ABCA9: variants seen among roughly 807,000 people sequenced by gnomAD.
ABCA9 encodes the protein ATP binding cassette subfamily A member 9, also known as ATP-binding cassette sub-family A member 9.
ABCA9 carries 183 observed loss-of-function variants against 205.3 expected under a neutral mutation model. The observed-to-expected ratio is 0.89, with a 90% CI of 0.79 to 1.01. ABCA9 has a LOEUF of 1.01. ABCA9 is among the 50% of genes least tolerant of loss of function. The pLI is 0.00. For missense variants in ABCA9, 1,805 were observed against 1,912.4 expected (o/e 0.94, Z 1.05); for synonymous variants, 651 against 683.3 (o/e 0.95, Z 0.74).
chr17:69,016,102 GTATATA>G (rs369501172), intron 22 of ABCA9, 145 bp downstream of exon 22: 547 of 263,062 alleles, frequency 2.1e-3, no homozygotes, highest in African/African-American at 4.2e-3. Context: ...ATGTGTGTGT[GTATATA>G]TATATATATA....
chr17:69,071,447 A>G, the ABCA9 span, among the ~76,000 whole-genome samples: 1 of 152,194 alleles, frequency 6.6e-6, no homozygotes, highest in African/African-American at 2.4e-5. Flanking sequence ...GACCCAGGCA[A>G]ACAGGGTCTG....
chr17:69,024,457 CA>C lies in ABCA9; in HGVS notation c.2142-105del, dbSNP rs565036102. 1.6e-3 allele frequency: 1,775 copies of C among 1,130,126 alleles called. 1 individual carries two copies. The highest frequency in any genetic ancestry group is 1.9e-3 in the Non-Finnish European group (1,552 of 825,258). The allele number at this position is 1,130,126 out of a possible 1,614,324, so 70.0% of individuals were successfully genotyped here. The stretch of plus-strand genomic sequence containing the variant: ...TGTCACTTTATTAATATTTATGAGA[CA>C]AAAAAATGTGTAGTTTACTGGACAA... On this transcript the variant is annotated intron_variant, in intron 16 of 38. Transcript: ENST00000340001.
intron 23 of ABCA9, among the ~76,000 whole-genome samples, chr17:69,009,232 A>AT (rs1456121109): frequency 6.6e-6 from 1 of 152,148 alleles, no homozygotes; most frequent in Non-Finnish European, 1.5e-5. Flanking sequence ...GTTAAGAAGA[A>AT]TTCAGGGTTG....
chr17:68,988,769 G>T (rs1233394928), intron 31 of ABCA9, among the ~76,000 whole-genome samples: 1 of 152,064 alleles, frequency 6.6e-6, no homozygotes, highest in Non-Finnish European at 1.5e-5. Flanking sequence ...ATAAAGCAAA[G>T]ATATCTGACT....
Position 69,024,295 on chromosome 17 carries a change from T to C in ABCA9, c.2200A>G (p.Ile734Val), listed in dbSNP as rs780646102. Residue 734 changes from isoleucine (I) to valine (V), a missense_variant, in exon 17 of 39, where the codon ATC becomes GTC. Ile to Val is a conservative substitution (Grantham distance 29). Coordinates refer to ENST00000340001, the MANE Select transcript of ABCA9 (RefSeq NM_080283.4). ...ESITSLVKQHISDAKLTAQSE... is the reference protein window; with the variant it reads ...ESITSLVKQHVSDAKLTAQSE... ...TGTGCTGTCAATTTGGCATCAGAGA[T>C]GTGCTGCTTAACCAGTGATGTTATA... 1 of 1,613,208 alleles carries C rather than the reference T, an allele frequency of 6.2e-7. No homozygotes were observed. The highest frequency in any genetic ancestry group is 8.5e-7 in the Non-Finnish European group (1 of 1,179,460).
intron 9 of ABCA9, chr17:69,033,466 C>T (rs1035035235): frequency 1.2e-5 from 3 of 242,404 alleles, no homozygotes; most frequent in Non-Finnish European, 2.4e-5. Flanking sequence ...CATTCTTCAT[C>T]TAGTTCTGAC....
At chr17:68,986,651 G>C (rs779378696) in intron 31 of ABCA9, 1 of 207,302 alleles carries the variant, frequency 4.8e-6, no homozygotes, top group Non-Finnish European at 9.5e-6. Context: ...TGAGAATTCT[G>C]TTTCGCCAGT....
intron 1 of ABCA9, among the ~76,000 whole-genome samples, chr17:69,055,683 C>A (rs1344649769): frequency 1.3e-5 from 2 of 152,080 alleles, no homozygotes; most frequent in Non-Finnish European, 2.9e-5. Flanking sequence ...CATTTCTACA[C>A]ACGATTTCAC....
In ABCA9 at chr17:69,060,909, A is replaced by G. The variant is rs2072225529; in HGVS notation, c.-57T>C. 2 of 985,326 alleles carry G rather than the reference A, an allele frequency of 2.0e-6. No individual in the cohort carries two copies. Among genetic ancestry groups the G allele is most frequent in the African/African-American group, 3.5e-5 (2 of 57,240 alleles). The allele number at this position is 985,326 out of a possible 1,614,324, so 61.0% of individuals were successfully genotyped here. Reference sequence around the variant, plus strand: ...AAAAATCTAGAAACACAGTTCATCCATGGGTCTCTGCATGTTCTGGAGGAG... The same window carrying G: ...AAAAATCTAGAAACACAGTTCATCCGTGGGTCTCTGCATGTTCTGGAGGAG... On this transcript the variant is annotated 5_prime_UTR_variant, in exon 1 of 39. The change abolishes an upstream ATG in the 5' untranslated region. Coordinates refer to ENST00000340001, the MANE Select transcript of ABCA9 (RefSeq NM_080283.4).
At chr17:69,007,141 C>T (rs1291255849) in intron 25 of ABCA9, among the ~76,000 whole-genome samples, 1 of 152,184 alleles carries the variant, frequency 6.6e-6, no homozygotes, top group African/African-American at 2.4e-5. Flanking sequence ...GAAGGCCAGG[C>T]ACGGTGGCTC....
chr17:69,004,515 A>G (rs1246862681), intron 25 of ABCA9, among the ~76,000 whole-genome samples: 1 of 152,234 alleles, frequency 6.6e-6, no homozygotes, highest in African/African-American at 2.4e-5. Flanking sequence ...CTTTCTTCAA[A>G]GCTGTCAGAC....
chr17:69,027,964 G>T, intron 12 of ABCA9, 149 bp from the exon 13 acceptor site: 1 of 642,382 alleles, frequency 1.6e-6, no homozygotes, highest in Non-Finnish European at 2.6e-6. Context: ...GATTAAAAAT[G>T]TAATGTTCAC....
intron 20 of ABCA9, 72 bp from the exon 21 acceptor site, chr17:69,017,861 T>C: frequency 1.3e-6 from 2 of 1,507,134 alleles, no homozygotes; most frequent in Admixed American, 3.4e-5. Flanking sequence ...AAAAATACAT[T>C]ACATCACACA....
chr17:69,062,667 C>T (rs556066905), upstream of ABCA9, among the ~76,000 whole-genome samples: 27 of 152,158 alleles, frequency 1.8e-4, no homozygotes, highest in African/African-American at 5.5e-4. Context: ...CCTGCCACCA[C>T]GGCCAGCTAA....
chr17:69,047,567 G>C (rs1202338949), intron 3 of ABCA9, among the ~76,000 whole-genome samples: 5 of 152,016 alleles, frequency 3.3e-5, no homozygotes. Context: ...CAAGAGCAGG[G>C]AGGAGAAAAA....
At chr17:68,982,697 G>A in intron 36 of ABCA9, 56 bp from the exon 37 acceptor site, 1 of 1,389,292 alleles carries the variant, frequency 7.2e-7, no homozygotes, top group Non-Finnish European at 1.0e-6. Context: ...AAACCCCGAT[G>A]GGTACAAGTC....
At chr17:68,991,595 T>G (rs1372262370) in intron 28 of ABCA9, among the ~76,000 whole-genome samples, 1 of 152,224 alleles carries the variant, frequency 6.6e-6, no homozygotes, top group Admixed American at 6.5e-5. Flanking sequence ...TGTCATCTTG[T>G]CACTCTTCTC....
chr17:69,032,314 A>G (rs1334934664), intron 9 of ABCA9, 38 bp from the exon 10 acceptor site: 2 of 1,589,722 alleles, frequency 1.3e-6, no homozygotes, highest in Admixed American at 1.7e-5. Flanking sequence ...TGGGTCAGTC[A>G]TCGCTTCAAG....
chr17:69,043,399 G>C (rs2071610590), intron 6 of ABCA9, 90 bp downstream of exon 6: 1 of 1,039,758 alleles, frequency 9.6e-7, no homozygotes, highest in Non-Finnish European at 1.4e-6. Flanking sequence ...TCTGTGGCCT[G>C]GGGCTTGGGG....
Sources: allele counts gnomAD v4.1 joint callset (sites outside exome capture counted in the v4.1 genomes callset), GRCh38; gene constraint gnomAD v4.1.1; transcripts MANE v1.5; gene names NCBI Gene and HGNC (gene_info 2026-07-23, HGNC 2026-07-21).